The following VWF variants were observed in gnomAD, a reference collection of about 807,000 sequenced individuals.
The protein encoded by VWF is Factor VIII related antigen.
Under a neutral mutation model 308.6 loss-of-function variants are expected in VWF, and 176 were observed. That is an observed-to-expected ratio of 0.57 (90% CI 0.50 to 0.65). The LOEUF (loss-of-function observed/expected upper bound fraction) is 0.65, where lower values mean the gene tolerates loss of function less well. VWF is among the 30% of genes least tolerant of loss of function. VWF has a pLI of 0.00. For missense variants in VWF, 3,146 were observed against 3,648.2 expected, an observed-to-expected ratio of 0.86 and a Z score of 3.55; for synonymous variants, 1,385 against 1,443.4, an observed-to-expected ratio of 0.96 and a Z score of 0.92.
At chr12:6,045,101 G>T (rs1419854159) in intron 17 of VWF, among the ~76,000 whole-genome samples, 1 of 152,158 alleles carries the variant, frequency 6.6e-6, no homozygotes, top group Non-Finnish European at 1.5e-5. Flanking sequence ...CCACTAGAAC[G>T]CATGTTCCAT....
In VWF at chr12:6,019,367, C is replaced by T. The variant is rs1338948803; in HGVS notation, c.4051G>A (p.Gly1351Ser). 3 of 1,613,918 alleles carry T rather than the reference C, an allele frequency of 1.9e-6. No individual in the cohort carries two copies. Among genetic ancestry groups the T allele is most frequent in the Non-Finnish European group, 2.5e-6 (3 of 1,179,862 alleles). ...TCGCTGGTGGAGGCCACCTGGCTGCCCGCATACTTCACCTGGCTGGCAATG... is the reference window on the plus strand; with the variant it reads ...TCGCTGGTGGAGGCCACCTGGCTGCTCGCATACTTCACCTGGCTGGCAATG... ...RRIASQVKYA[G>S]SQVASTSEVL... Residue 1351 changes from glycine (G) to serine (S), a missense_variant, in exon 28 of 52, where the codon GGC (glycine) becomes AGC (serine). By Grantham distance (56) the Gly-to-Ser change is moderately conservative. Coordinates refer to ENST00000261405, the MANE Select transcript of VWF (RefSeq NM_000552.5). This position sits in a 1 kb window ranked among gnomAD's most constrained non-coding sequence, Gnocchi z 5.8.
intron 45 of VWF, 50 bp from the exon 46 acceptor site, chr12:5,968,217 G>T: frequency 6.2e-7 from 1 of 1,610,598 alleles, no homozygotes; most frequent in Non-Finnish European, 8.5e-7. Flanking sequence ...ACACCCTGGT[G>T]AGACCGGCGA....
At chr12:5,973,032 A>G (rs1943494239) in intron 43 of VWF, among the ~76,000 whole-genome samples, 2 of 152,156 alleles carry the variant, frequency 1.3e-5, no homozygotes, top group South Asian at 4.1e-4. Flanking sequence ...CAGTGTCAAT[A>G]TTACGGATGG....
rs974945261 is a variant in VWF, at chr12:6,060,213, C to T, written c.1534-2169G>A. On this transcript the variant is annotated intron_variant, in intron 13 of 51. Transcript: ENST00000261405. This position sits in a 1 kb window ranked among gnomAD's most constrained non-coding sequence, Gnocchi z 5.1. ...GACTAAATGAAGCCTGTGCAAGGAT[C>T]TTTTCCACACTGCTATGCCTAAGGC... is the stretch of plus-strand genomic sequence containing the variant. Among the ~76,000 whole-genome samples, 1 of 152,190 alleles carries T rather than the reference C, an allele frequency of 6.6e-6. No homozygotes were observed. The highest frequency in any genetic ancestry group is 6.5e-5 in the Admixed American group (1 of 15,284).
chr12:5,999,169 A>G (rs1943845036), intron 34 of VWF, among the ~76,000 whole-genome samples: 1 of 152,236 alleles, frequency 6.6e-6, no homozygotes, highest in African/African-American at 2.4e-5. Flanking sequence ...AAGAGAGAAG[A>G]GAGTGGGCAG....
In VWF at chr12:5,951,900, AT is replaced by A. The variant is rs1167068351; in HGVS notation, c.8116-18del. On this transcript the variant is annotated intron_variant, in intron 49 of 51. Transcript: ENST00000261405. ...AATTTTACCCTAAGAAAACAGCAAA[AT>A]TTCAGGTTAGGCACAAACAGTACAG... The A allele has an allele frequency of 1.9e-6, 3 of 1,614,134 alleles. No homozygotes were observed. The Admixed American group carries it at 5.0e-5, about 27-fold the overall frequency.
chr12:5,972,928 G>A (rs779562066), intron 43 of VWF, among the ~76,000 whole-genome samples: 5 of 152,166 alleles, frequency 3.3e-5, no homozygotes, highest in Non-Finnish European at 5.9e-5. Flanking sequence ...TACCTTTAGG[G>A]ATCTGCTGTC....
rs1158859952 is a variant in VWF, at chr12:5,976,245, T to G, written c.7303A>C (p.Ser2435Arg). Residue 2435 changes from serine (S) to arginine (R), a missense_variant, in exon 43 of 52, where the codon AGC becomes CGC. This residue lies in a region of VWF where 989 missense variants were observed against 1,117.4 expected (regional missense o/e 0.89). Coordinates refer to ENST00000261405, the MANE Select transcript of VWF (RefSeq NM_000552.5). Reference sequence around the variant, plus strand: ...AACTGGCCCACAGGGTAGATGGTGCTTCGGTGGACACACACCTGTAGACAT... The same window carrying G: ...AACTGGCCCACAGGGTAGATGGTGCGTCGGTGGACACACACCTGTAGACAT... ...CLPDKVCVHR[S>R]TIYPVGQFWE... The G allele has an allele frequency of 6.2e-7, 1 of 1,614,166 alleles. No individual in the cohort carries two copies. Among genetic ancestry groups the G allele is most frequent in the Admixed American group, 1.7e-5 (1 of 60,028 alleles).
At chr12:5,980,743 T>A (rs2136369867) in intron 42 of VWF, among the ~76,000 whole-genome samples, 1 of 152,174 alleles carries the variant, frequency 6.6e-6, no homozygotes, top group Middle Eastern at 3.4e-3. Flanking sequence ...TCTTAAGCAT[T>A]CCAGACAAAT....
chr12:6,007,935 G>C (rs1943948286), intron 34 of VWF, among the ~76,000 whole-genome samples: 1 of 151,992 alleles, frequency 6.6e-6, no homozygotes, highest in Non-Finnish European at 1.5e-5. Context: ...CTAACAAATT[G>C]GATAACCTAA....
intron 47 of VWF, chr12:5,953,978 T>G (rs898357797): frequency 4.4e-6 from 1 of 227,198 alleles, no homozygotes; most frequent in African/African-American, 2.3e-5. Context: ...GTAAGTGGCG[T>G]TAATCACCCA....
chr12:6,071,705 G>C (rs1480734751), intron 9 of VWF, among the ~76,000 whole-genome samples: 2 of 152,230 alleles, frequency 1.3e-5, no homozygotes, highest in Admixed American at 1.3e-4. Context: ...TCCCAGCCCA[G>C]AAGTGTGGTG....
At chr12:5,966,303 G>A (rs1048396100) in intron 47 of VWF, among the ~76,000 whole-genome samples, 5 of 151,906 alleles carry the variant, frequency 3.3e-5, no homozygotes, top group African/African-American at 4.8e-5. Context: ...ACACACACAC[G>A]TGTGCACACA....
intron 34 of VWF, among the ~76,000 whole-genome samples, chr12:6,004,752 T>G (rs1943909041): frequency 6.6e-6 from 1 of 151,502 alleles, no homozygotes; most frequent in African/African-American, 2.4e-5. Flanking sequence ...TATATTGATA[T>G]CAATACCCTT....
Position 6,114,489 on chromosome 12 carries a change from CAGG to C in VWF, c.221-3524_221-3522del, listed in dbSNP as rs1158619639. The stretch of plus-strand genomic sequence containing the variant: ...GCAGAAAAATCAAACAGGAGAGAAC[CAGG>C]AGAAGTGTATGGGAGAGAAGGAGAG... On this transcript the variant is annotated intron_variant, in intron 3 of 51. Transcript: ENST00000261405. Among the ~76,000 whole-genome samples, 3 of 152,174 alleles carry C rather than the reference CAGG, an allele frequency of 2.0e-5. No homozygotes were observed. The East Asian group carries it at 5.8e-4, about 29-fold the overall frequency.
chr12:6,038,844 G>A (rs1375420797), intron 18 of VWF, among the ~76,000 whole-genome samples: 4 of 152,224 alleles, frequency 2.6e-5, no homozygotes, highest in Non-Finnish European at 5.9e-5. Context: ...TTCAATGAGA[G>A]GAAAGGGTTT....
chr12:6,000,066 T>C (rs1943853550), intron 34 of VWF, among the ~76,000 whole-genome samples: 1 of 151,954 alleles, frequency 6.6e-6, no homozygotes, highest in Non-Finnish European at 1.5e-5. Flanking sequence ...AAATGGACTC[T>C]TAAAAGAGAA....
At chr12:6,073,492 A>G in intron 8 of VWF, 127 bp downstream of exon 8, 1 of 1,347,300 alleles carries the variant, frequency 7.4e-7, no homozygotes, top group Admixed American at 1.7e-5. Context: ...AAAGACATTT[A>G]AAAACTTAAT....
intron 42 of VWF, among the ~76,000 whole-genome samples, chr12:5,977,751 G>C (rs1943547575): frequency 1.3e-5 from 2 of 151,752 alleles, no homozygotes; most frequent in African/African-American, 4.8e-5. Flanking sequence ...TATGTCTGTA[G>C]TTCCAGCTAC....
Sources: gnomAD v4.1 joint callset for allele counts (sites outside exome capture counted in the v4.1 genomes callset) on GRCh38, gnomAD v4.1.1 for gene constraint, gnomAD v4.1.1 regional missense constraint, Gnocchi (gnomAD v3.1) non-coding constraint, MANE v1.5 for transcripts, NCBI Gene and HGNC (gene_info 2026-07-23, HGNC 2026-07-21) for gene names.